Variants in ZFPM2 observed in about 807,000 individuals in gnomAD.
The protein encoded by ZFPM2 is zinc finger protein, FOG family member 2, also known as zinc finger protein ZFPM2.
A neutral mutation model predicts 98.6 loss-of-function variants in ZFPM2; 20 were observed. The ratio of observed to expected loss-of-function variants is 0.20; its 90% confidence interval spans 0.14 to 0.29. The LOEUF is 0.29. Among genes scored for constraint, ZFPM2 ranks in the 10% least tolerant of loss-of-function variants. The pLI, the probability that ZFPM2 is intolerant of heterozygous loss-of-function variation, is 1.00. For missense variants in ZFPM2, 1,310 were observed against 1,388.6 expected (o/e 0.94, Z 0.90); for synonymous variants, 518 against 502.7 (o/e 1.03, Z -0.41).
intron 1 of ZFPM2, among the ~76,000 whole-genome samples, chr8:105,332,143 G>T (rs140366173): frequency 6.6e-6 from 1 of 151,606 alleles, no homozygotes; most frequent in Non-Finnish European, 1.5e-5. Context: ...CTAGATTTCC[G>T]TATGGCTGGC....
chr8:105,429,177 G>T (rs1004432553), intron 2 of ZFPM2, among the ~76,000 whole-genome samples: 7 of 152,062 alleles, frequency 4.6e-5, no homozygotes, highest in Non-Finnish European at 1.0e-4. Context: ...GTTGCTATAT[G>T]ATTAGCTCAA....
rs1813987855 is a variant in ZFPM2, at chr8:105,801,092, G to A, written c.1010G>A (p.Cys337Tyr). The A allele has an allele frequency of 1.2e-6, 2 of 1,613,760 alleles. No homozygotes were observed. ...CTGCCCCCTGGTGCTAGTCTAAAAT[G>A]CACCGTCTGTAGCTACACTGCTGAT... ...EFLPPGASLK[C>Y]TVCSYTADSV... The change falls in exon 8 of 8, where the codon TGC becomes TAC. Residue 337 changes from cysteine to tyrosine, a missense_variant. Physicochemically the swap from Cys to Tyr is radical, Grantham distance 194 (BLOSUM62 -2). Coordinates refer to ENST00000407775, the MANE Select transcript of ZFPM2 (RefSeq NM_012082.4).
At chr8:105,579,388 A>G (rs1397062915) in intron 4 of ZFPM2, among the ~76,000 whole-genome samples, 1 of 152,118 alleles carries the variant, frequency 6.6e-6, no homozygotes, top group Admixed American at 6.6e-5. Context: ...TTCTTCCCCC[A>G]TCTTCACTCC....
intron 5 of ZFPM2, among the ~76,000 whole-genome samples, chr8:105,647,861 A>C (rs1333560234): frequency 6.6e-6 from 1 of 152,168 alleles, no homozygotes; most frequent in Non-Finnish European, 1.5e-5. Context: ...TCTTTATAGC[A>C]GCATGATTTA....
intron 3 of ZFPM2, among the ~76,000 whole-genome samples, chr8:105,537,952 G>C (rs1456701969): frequency 1.3e-5 from 2 of 151,840 alleles, no homozygotes; most frequent in African/African-American, 2.4e-5. Context: ...GGATGGTCTC[G>C]ATCTCCTGAC....
rs776736273 is a variant in ZFPM2 at position 105,801,513 on chromosome 8, A to G, written c.1431A>G (p.Pro477=). Residue 477 remains proline, a synonymous_variant, in exon 8 of 8, where the codon CCA becomes CCG. Coordinates refer to ENST00000407775, the MANE Select transcript of ZFPM2 (RefSeq NM_012082.4). ...YTKIKSEPSS[P]RLASSPVQPN... ...AAATAAAGTCTGAGCCCTCTAGCCC[A>G]AGACTTGCCTCATCTCCAGTTCAGC... The G allele has an allele frequency of 4.3e-6, 7 of 1,613,940 alleles. 1 individual carries two copies. In the South Asian group the frequency reaches 7.7e-5, roughly 18 times the overall value.
chr8:105,514,600 C>T (rs1405247773), intron 3 of ZFPM2, among the ~76,000 whole-genome samples: 3 of 151,898 alleles, frequency 2.0e-5, no homozygotes, highest in African/African-American at 7.3e-5. Context: ...TTCCTTGCCA[C>T]AGTACTTGTT....
intron 1 of ZFPM2, among the ~76,000 whole-genome samples, chr8:105,380,410 C>G (rs1810823434): frequency 6.7e-6 from 1 of 149,640 alleles, no homozygotes; most frequent in African/African-American, 2.5e-5. Context: ...TGGGGCTGGC[C>G]TGGTGGGCTG....
At chr8:105,489,419 C>A (rs555461801) in intron 3 of ZFPM2, among the ~76,000 whole-genome samples, 2,450 of 137,374 alleles carry the variant, frequency 0.018, 82 homozygotes, top group African/African-American at 0.064. Context: ...ATAGATATAT[C>A]TTTTATATAT....
In ZFPM2 at chr8:105,664,321, T is replaced by TTGTGTGTG. The variant is rs148523592; in HGVS notation, c.532+29997_532+30004dup. Among the ~76,000 whole-genome samples the TTGTGTGTG allele has an allele frequency of 4.4e-3, 633 of 144,618 alleles. 1 individual carries two copies. The highest frequency in any genetic ancestry group is 0.01 in the African/African-American group (403 of 39,332). 94.9% of individuals were successfully genotyped at this position (144,618 alleles called of 152,430 possible). A position where few individuals can be genotyped will look rare whatever the true frequency, so the allele number is the denominator to read the frequency against. ...TTATACTGATTTAATCATAAAATTC[T>TTGTGTGTG]TGTGTGTGTGTGTGTGTGTGTGTGT... On this transcript the variant is annotated intron_variant, in intron 5 of 7. Coordinates refer to ENST00000407775, the MANE Select transcript of ZFPM2 (RefSeq NM_012082.4).
chr8:105,635,458 TAA>T (rs757293295), intron 5 of ZFPM2, among the ~76,000 whole-genome samples: 4 of 139,488 alleles, frequency 2.9e-5, no homozygotes, highest in Non-Finnish European at 1.6e-5. Flanking sequence ...ATTTGCAAGC[TAA>T]AAAAAAAAAA....
At chr8:105,674,562 C>A (rs1817653751) in intron 5 of ZFPM2, among the ~76,000 whole-genome samples, 1 of 152,058 alleles carries the variant, frequency 6.6e-6, no homozygotes. Flanking sequence ...TTGTTCCGTA[C>A]CTTGGCATCA....
intron 1 of ZFPM2, among the ~76,000 whole-genome samples, chr8:105,322,896 A>C (rs1211834386): frequency 6.6e-6 from 1 of 152,130 alleles, no homozygotes; most frequent in Non-Finnish European, 1.5e-5. Flanking sequence ...TTTAGGCCGT[A>C]CGAATTCCTA....
At chr8:105,744,669 T>A (rs1812302418) in intron 5 of ZFPM2, among the ~76,000 whole-genome samples, 1 of 150,080 alleles carries the variant, frequency 6.7e-6, no homozygotes, top group Non-Finnish European at 1.5e-5. Flanking sequence ...CCTTGAAGAG[T>A]GATGCCTACA....
At chr8:105,728,197 T>C (rs1208894289) in intron 5 of ZFPM2, among the ~76,000 whole-genome samples, 1 of 151,702 alleles carries the variant, frequency 6.6e-6, no homozygotes, top group Non-Finnish European at 1.5e-5. Flanking sequence ...TTATGAGTTC[T>C]AGATTGAGTA....
intron 5 of ZFPM2, among the ~76,000 whole-genome samples, chr8:105,764,216 A>G (rs1812801855): frequency 6.6e-6 from 1 of 151,400 alleles, no homozygotes; most frequent in Non-Finnish European, 1.5e-5. Context: ...AAACTTTAAA[A>G]TTGTAGGATT....
intron 1 of ZFPM2, among the ~76,000 whole-genome samples, chr8:105,360,728 G>GT (rs1253355271): frequency 1.8e-4 from 26 of 146,692 alleles, no homozygotes; most frequent in Non-Finnish European, 3.6e-4. Context: ...GCGGTGTTTG[G>GT]TTTTTTGTTC....
At chr8:105,776,177 C>T (rs1455019579) in intron 5 of ZFPM2, among the ~76,000 whole-genome samples, 1 of 151,858 alleles carries the variant, frequency 6.6e-6, no homozygotes, top group Admixed American at 6.6e-5. Flanking sequence ...CAGAGAATGC[C>T]CTCTTTGAGA....
At chr8:105,669,510 GTC>G (rs1489155749) in intron 5 of ZFPM2, among the ~76,000 whole-genome samples, 1 of 148,948 alleles carries the variant, frequency 6.7e-6, no homozygotes, top group Non-Finnish European at 1.5e-5. Context: ...GTTTTCCTTT[GTC>G]TCTATTTTAA....
Sources: allele counts gnomAD v4.1 joint callset (sites outside exome capture counted in the v4.1 genomes callset), GRCh38; gene constraint gnomAD v4.1.1; transcripts MANE v1.5; gene names NCBI Gene and HGNC (gene_info 2026-07-23, HGNC 2026-07-21).